PPFIA2: variants seen among roughly 807,000 people sequenced by gnomAD.
PPFIA2 encodes the protein PPFI scaffold protein A2.
In PPFIA2, 46 loss-of-function variants were observed where a neutral mutation model predicts 175.5. The ratio of observed to expected loss-of-function variants is 0.26; its 90% CI spans 0.21 to 0.34. The LOEUF (loss-of-function observed/expected upper bound fraction) is 0.34. Among genes scored for constraint, PPFIA2 ranks in the 10% least tolerant of loss-of-function variants. The pLI is 1.00. For missense variants in PPFIA2, 1,179 were observed against 1,506.1 expected (o/e 0.78, Z 3.60); for synonymous variants, 568 against 511.4 (o/e 1.11, Z -1.49).
chr12:81,650,260 C>T (rs974415813), intron 4 of PPFIA2, among the ~76,000 whole-genome samples: 1 of 152,006 alleles, frequency 6.6e-6, no homozygotes. Flanking sequence ...CTGCCCACCT[C>T]GGCCTCCCAA....
At chr12:81,383,949 C>T (rs377390076) in intron 9 of PPFIA2, 74 bp downstream of exon 9, 29 of 1,224,620 alleles carry the variant, frequency 2.4e-5, no homozygotes, top group African/African-American at 1.1e-4. Flanking sequence ...ATGGTCATTA[C>T]GGGAAATTAT....
chr12:81,523,408 C>T (rs773015327), intron 4 of PPFIA2, among the ~76,000 whole-genome samples: 2 of 152,044 alleles, frequency 1.3e-5, no homozygotes, highest in African/African-American at 2.4e-5. Flanking sequence ...ACGTATCTTC[C>T]TAATTAAAAA....
chr12:81,370,302 A>G (rs1566505553), intron 11 of PPFIA2, among the ~76,000 whole-genome samples: 1 of 151,784 alleles, frequency 6.6e-6, no homozygotes, highest in Non-Finnish European at 1.5e-5. Flanking sequence ...AGGAAAACTT[A>G]TGAAATGACT....
At chr12:81,396,944 G>C (rs149357388) in intron 8 of PPFIA2, among the ~76,000 whole-genome samples, 26 of 152,118 alleles carry the variant, frequency 1.7e-4, no homozygotes, top group African/African-American at 6.0e-4. Context: ...ACATAGGGAG[G>C]ATGTGAGAGT....
At chr12:81,539,360 G>C (rs1275418680) in intron 4 of PPFIA2, among the ~76,000 whole-genome samples, 4 of 151,878 alleles carry the variant, frequency 2.6e-5, no homozygotes, top group Admixed American at 6.6e-5. Context: ...CATTTGATGA[G>C]ATCACCAAAT....
intron 3 of PPFIA2, among the ~76,000 whole-genome samples, chr12:81,703,252 T>C (rs911044511): frequency 6.6e-6 from 1 of 152,146 alleles, no homozygotes; most frequent in African/African-American, 2.4e-5. Flanking sequence ...AGACATCTTA[T>C]TAGACATCTC....
chr12:81,431,963 T>C (rs1251299119), intron 7 of PPFIA2, among the ~76,000 whole-genome samples: 4 of 152,166 alleles, frequency 2.6e-5, no homozygotes, highest in Non-Finnish European at 5.9e-5. Flanking sequence ...ATAGTCACTT[T>C]TGTAGCACCA....
intron 4 of PPFIA2, among the ~76,000 whole-genome samples, chr12:81,638,330 T>G (rs1268428199): frequency 2.0e-5 from 3 of 152,100 alleles, no homozygotes. Flanking sequence ...AATGAATTTG[T>G]ACTTCAAGGT....
chr12:81,523,992 A>G (rs1489483875), intron 4 of PPFIA2, among the ~76,000 whole-genome samples: 1 of 152,214 alleles, frequency 6.6e-6, no homozygotes, highest in Non-Finnish European at 1.5e-5. Flanking sequence ...CTGTCTTACA[A>G]AAGTTCTCTT....
chr12:81,380,447 C>T (rs978459123), intron 9 of PPFIA2, among the ~76,000 whole-genome samples: 1 of 151,726 alleles, frequency 6.6e-6, no homozygotes, highest in South Asian at 2.1e-4. Flanking sequence ...GTGACCATAA[C>T]CCGGAAAAAT....
chr12:81,442,895 A>ATATATATG, intron 6 of PPFIA2, among the ~76,000 whole-genome samples: 1 of 111,210 alleles, frequency 9.0e-6, no homozygotes, highest in African/African-American at 3.6e-5. Context: ...ATATATATAT[A>ATATATATG]TATAGTATTA....
chr12:81,314,103 A>C (rs558200506), intron 22 of PPFIA2, among the ~76,000 whole-genome samples: 2 of 151,892 alleles, frequency 1.3e-5, no homozygotes, highest in Non-Finnish European at 2.9e-5. Context: ...TATTTCAAGC[A>C]GCTATATCAC....
chr12:81,367,061 G>GA, intron 14 of PPFIA2, 47 bp downstream of exon 14: 2 of 1,420,918 alleles, frequency 1.4e-6, no homozygotes, highest in Non-Finnish European at 9.3e-7. Flanking sequence ...CAGTGGAATA[G>GA]AAAATAAAAA....
intron 17 of PPFIA2, among the ~76,000 whole-genome samples, chr12:81,350,715 G>C (rs542500831): frequency 5.6e-4 from 86 of 152,240 alleles, no homozygotes; most frequent in African/African-American, 2.0e-3. Flanking sequence ...AAACACATTT[G>C]TGTGTTTAAA....
At chr12:81,259,821 T>A in intron 32 of PPFIA2, 161 bp from the exon 33 acceptor site, 1 of 482,212 alleles carries the variant, frequency 2.1e-6, no homozygotes, top group Non-Finnish European at 3.5e-6. Flanking sequence ...CGTATGTAAT[T>A]AACATTTGCT....
chr12:81,478,995 C>T (rs1157319455), intron 4 of PPFIA2, among the ~76,000 whole-genome samples: 1 of 152,092 alleles, frequency 6.6e-6, no homozygotes, highest in African/African-American at 2.4e-5. Context: ...TCTCATTGAG[C>T]TATTTAATAT....
intron 5 of PPFIA2, among the ~76,000 whole-genome samples, chr12:81,449,699 T>C (rs2052070924): frequency 6.6e-6 from 1 of 152,060 alleles, no homozygotes; most frequent in Non-Finnish European, 1.5e-5. Context: ...GCAGGTTTAT[T>C]ACATATGTAT....
At position 81,496,364 on chromosome 12, in the gene PPFIA2, C is replaced by A. The variant is rs930936383; in HGVS notation, c.304-38498G>T. Among the ~76,000 whole-genome samples the A allele has an allele frequency of 2.0e-5, 3 of 152,146 alleles. No homozygotes were observed. The South Asian group carries it at 6.2e-4, about 32-fold the overall frequency. The stretch of plus-strand genomic sequence containing the variant: ...AGAAGAATATTTTTGGAGACAATTG[C>A]AGAAAATTGCCAATATATTAGATAA... On this transcript the variant is annotated intron_variant, in intron 4 of 32. Transcript: ENST00000549396.
chr12:81,546,661 C>G (rs915891526), intron 4 of PPFIA2, among the ~76,000 whole-genome samples: 1 of 152,036 alleles, frequency 6.6e-6, no homozygotes, highest in African/African-American at 2.4e-5. Flanking sequence ...ATTCACTATG[C>G]TTGGTCATGC....
Sources: allele counts gnomAD v4.1 joint callset (sites outside exome capture counted in the v4.1 genomes callset), GRCh38; gene constraint gnomAD v4.1.1; transcripts MANE v1.5; gene names NCBI Gene and HGNC (gene_info 2026-07-23, HGNC 2026-07-21).